Variants in CUX1 observed in about 807,000 individuals in gnomAD.
The protein encoded by CUX1 is protein CASP.
CUX1 carries 31 observed loss-of-function variants against 158.8 expected under a neutral mutation model. That is an observed-to-expected ratio of 0.20 (90% CI 0.15 to 0.26). The LOEUF (loss-of-function observed/expected upper bound fraction) is 0.26, where lower values mean the gene tolerates loss of function less well. Among genes scored for constraint, CUX1 ranks in the 10% least tolerant of loss-of-function variants. The probability of loss-of-function intolerance (pLI) is 1.00; values close to 1 mark genes in which losing one functional copy is unlikely to be tolerated. For missense variants in CUX1, 1,589 were observed against 2,014.6 expected, an observed-to-expected ratio of 0.79 and a Z score of 4.04; for synonymous variants, 879 against 862.1, an observed-to-expected ratio of 1.02 and a Z score of -0.34.
intron 1 of CUX1, among the ~76,000 whole-genome samples, chr7:101,914,368 TTCCCTCCC>T (rs573449815): frequency 0.079 from 10,051 of 126,514 alleles, 826 homozygotes; most frequent in East Asian, 0.4. Flanking sequence ...CCTTCCTTCC[TTCCCTCCC>T]TCCCTCCCTC....
Position 102,253,179 on chromosome 7 carries a change from G to T in CUX1, c.*4137G>T, listed in dbSNP as rs1801702077. The T allele has an allele frequency of 2.0e-6, 2 of 985,358 alleles. No individual in the cohort carries two copies. Among genetic ancestry groups the T allele is most frequent in the South Asian group, 4.7e-5 (1 of 21,288 alleles). The allele number at this position is 985,358 out of a possible 1,614,324, so 61.0% of individuals were successfully genotyped here. Reference sequence around the variant, plus strand: ...CATCCTGTCTGATGTGGACGTTCAGGTCTGCTGGTTGGCGGTCCGGGCCCA... The same window carrying T: ...CATCCTGTCTGATGTGGACGTTCAGTTCTGCTGGTTGGCGGTCCGGGCCCA... On this transcript the variant is annotated 3_prime_UTR_variant, in exon 24 of 24. Coordinates refer to ENST00000292535, the MANE Select transcript of CUX1 (RefSeq NM_181552.4).
chr7:102,019,459 A>G (rs1277943189), intron 2 of CUX1, among the ~76,000 whole-genome samples: 1 of 152,106 alleles, frequency 6.6e-6, no homozygotes, highest in East Asian at 1.9e-4. Context: ...TCCTGCCCTC[A>G]TGTGATCCAC....
chr7:101,912,241 C>G (rs10236732), intron 1 of CUX1, among the ~76,000 whole-genome samples: 2 of 130,640 alleles, frequency 1.5e-5, no homozygotes, highest in African/African-American at 2.8e-5. Context: ...CCCCCTCCCC[C>G]CTCCCTCCTC....
At position 102,256,442 on chromosome 7, in the gene CUX1, T is replaced by C; in HGVS notation, c.*7400T>C. ...TTTTTGCTGTCACTCTAGTGGTTAC[T>C]ATCCTCTGCCTTCCTCTCCTCCCCT... On this transcript the variant is annotated 3_prime_UTR_variant, in exon 24 of 24. Coordinates refer to ENST00000292535, the MANE Select transcript of CUX1 (RefSeq NM_181552.4). 1.0e-6 allele frequency: 1 copy of C among 985,462 alleles called. No individual in the cohort carries two copies. The highest frequency in any genetic ancestry group is 1.2e-6 in the Non-Finnish European group (1 of 829,936). The allele number at this position is 985,462 out of a possible 1,614,324, so 61.0% of individuals were successfully genotyped here.
At chr7:101,972,755 G>A (rs1394298104) in intron 2 of CUX1, among the ~76,000 whole-genome samples, 4 of 152,322 alleles carry the variant, frequency 2.6e-5, no homozygotes, top group East Asian at 1.9e-4. Flanking sequence ...TGGTGGGTGG[G>A]AAGAGAGGCC....
chr7:102,248,317 A>G lies in CUX1; in HGVS notation c.3888-95A>G, dbSNP rs1157080753. On this transcript the variant is annotated intron_variant, in intron 23 of 23. Transcript: ENST00000292535. The surrounding 1 kb of genome is among the most constrained non-coding windows in gnomAD (Gnocchi z 5.8). The stretch of plus-strand genomic sequence containing the variant: ...GAGGGGCCTCCAGGCTGGACGGAGC[A>G]GGAGCCCCAGAGAGAGGGGTCTGGC... 8.4e-7 allele frequency: 1 copy of G among 1,190,850 alleles called. No homozygotes were observed. Among genetic ancestry groups the G allele is most frequent in the Admixed American group, 2.5e-5 (1 of 40,554 alleles). The allele number at this position is 1,190,850 out of a possible 1,614,324, so 73.8% of individuals were successfully genotyped here.
intron 15 of CUX1, among the ~76,000 whole-genome samples, 175 bp downstream of exon 15, chr7:102,197,480 AGGCT>A (rs1377279492): frequency 6.6e-6 from 1 of 152,246 alleles, no homozygotes. Flanking sequence ...GCATGAGTTA[AGGCT>A]GTTAGATTTG....
intron 17 of CUX1, chr7:102,275,445 C>A: frequency 2.7e-6 from 3 of 1,112,372 alleles, no homozygotes; most frequent in East Asian, 2.5e-5. Context: ...AGAGATGTGG[C>A]ACAGACCGTA....
At chr7:102,157,535 T>G (rs555068695) in intron 8 of CUX1, among the ~76,000 whole-genome samples, 1 of 152,244 alleles carries the variant, frequency 6.6e-6, no homozygotes, top group East Asian at 1.9e-4. Context: ...ATTCCAGCAC[T>G]TTGGGAGGCC....
chr7:102,073,827 C>A (rs1826412648), intron 4 of CUX1, among the ~76,000 whole-genome samples: 1 of 151,956 alleles, frequency 6.6e-6, no homozygotes, highest in African/African-American at 2.4e-5. Flanking sequence ...TTATTTCTGG[C>A]CAGAGAATTG....
intron 2 of CUX1, among the ~76,000 whole-genome samples, chr7:102,021,611 T>A (rs1563141171): frequency 1.3e-5 from 1 of 74,560 alleles, no homozygotes; most frequent in African/African-American, 4.3e-5. Flanking sequence ...TACTTTTTTT[T>A]CTCTTTTTTT....
chr7:101,901,627 C>G (rs1411002689), intron 1 of CUX1, among the ~76,000 whole-genome samples: 2 of 152,192 alleles, frequency 1.3e-5, no homozygotes, highest in African/African-American at 4.8e-5. Context: ...AAGTTATAAG[C>G]AGCCAGTGGC....
chr7:102,072,862 G>GA (rs1441343134), intron 4 of CUX1, among the ~76,000 whole-genome samples: 1 of 152,136 alleles, frequency 6.6e-6, no homozygotes, highest in East Asian at 1.9e-4. Context: ...CTGACGCAGG[G>GA]ATAAAGAATT....
intron 8 of CUX1, among the ~76,000 whole-genome samples, chr7:102,121,830 G>T (rs1832080221): frequency 6.6e-6 from 1 of 152,082 alleles, no homozygotes; most frequent in African/African-American, 2.4e-5. Context: ...AGTGCTTTTT[G>T]CTTGAGACCA....
intron 3 of CUX1, among the ~76,000 whole-genome samples, chr7:102,054,274 A>C (rs1266867901): frequency 1.3e-5 from 2 of 152,158 alleles, no homozygotes; most frequent in African/African-American, 2.4e-5. Flanking sequence ...TTCTTTTAAG[A>C]GGTTTTATAG....
rs55753644 is a variant in CUX1 at position 102,046,569 on chromosome 7, A to ATTTT, written c.189+18448_189+18451dup. On this transcript the variant is annotated intron_variant, in intron 3 of 23. Coordinates refer to ENST00000292535, the MANE Select transcript of CUX1 (RefSeq NM_181552.4). ...CCTGTTCTGTTTTGGTTTGGTTTGG[A>ATTTT]TTTTTTTTTTTTTTTTTTTTTTTTT... 3.5e-3 allele frequency among the ~76,000 whole-genome samples: 194 copies of ATTTT among 55,470 alleles called. 22 individuals are homozygous for ATTTT. In the Middle Eastern group the frequency reaches 0.039, roughly 11 times the overall value. 36.4% of individuals were successfully genotyped at this position (55,470 alleles called of 152,430 possible). A position where few individuals can be genotyped will look rare whatever the true frequency, so the allele number is the denominator to read the frequency against.
At chr7:101,920,668 T>A (rs1410467958) in intron 2 of CUX1, among the ~76,000 whole-genome samples, 1 of 152,244 alleles carries the variant, frequency 6.6e-6, no homozygotes, top group Admixed American at 6.5e-5. Flanking sequence ...GAAATTGTAG[T>A]TAATTTGCAG....
intron 8 of CUX1, among the ~76,000 whole-genome samples, chr7:102,122,343 C>T (rs1360806864): frequency 6.6e-6 from 1 of 151,710 alleles, no homozygotes. Context: ...GTCCTTTAAA[C>T]CTTAGAGAGC....
At chr7:101,987,317 A>C (rs12537526) in intron 2 of CUX1, among the ~76,000 whole-genome samples, 1 of 152,050 alleles carries the variant, frequency 6.6e-6, no homozygotes, top group Admixed American at 6.5e-5. Flanking sequence ...TCCCCAAGCT[A>C]CGGGAAAGGG....
Sources: gnomAD v4.1 joint callset for allele counts (sites outside exome capture counted in the v4.1 genomes callset) on GRCh38, gnomAD v4.1.1 for gene constraint, Gnocchi (gnomAD v3.1) non-coding constraint, MANE v1.5 for transcripts, NCBI Gene and HGNC (gene_info 2026-07-23, HGNC 2026-07-21) for gene names.